Variants in RAB4A observed in about 807,000 individuals in gnomAD.
The protein encoded by RAB4A is RAB4A, member RAS oncogene family.
RAB4A carries 20 observed loss-of-function variants against 34.5 expected under a neutral mutation model. The ratio of observed to expected loss-of-function variants is 0.58; its 90% CI spans 0.41 to 0.84. The LOEUF is 0.84. Ranked by LOEUF, RAB4A falls within the 40% of genes least tolerant of loss-of-function variation. The pLI, the probability that RAB4A is intolerant of heterozygous loss-of-function variation, is 0.00. For synonymous variants in RAB4A, 102 were observed against 100.0 expected, an observed-to-expected ratio of 1.02 and a Z score of -0.12; for missense variants, 228 against 274.5, an observed-to-expected ratio of 0.83 and a Z score of 1.20.
At position 229,286,493 on chromosome 1, in the gene RAB4A, G is replaced by T; in HGVS notation, c.39G>T (p.Leu13Phe). Residue 13 changes from leucine (L) to phenylalanine (F), a missense_variant, in exon 2 of 8, where the codon TTG (leucine) becomes TTT (phenylalanine). Transcript: ENST00000366690. ...TCTCTTTTTATCTTTCAGATTTTTT[G>T]TTTAAGTTCTTGGTTATTGGAAATG... ...QTAMSETYDF[L>F]FKFLVIGNAG... 1.3e-6 allele frequency: 2 copies of T among 1,562,826 alleles called. No homozygotes were observed. Among genetic ancestry groups the T allele is most frequent in the Admixed American group, 1.9e-5 (1 of 52,312 alleles).
rs1054322 is a variant in RAB4A at position 229,305,453 on chromosome 1, A to G, written c.*1660A>G. On this transcript the variant is annotated 3_prime_UTR_variant, in exon 8 of 8. Coordinates refer to ENST00000366690, the MANE Select transcript of RAB4A (RefSeq NM_004578.4). ...CGATCCTGTTAATTAAACCACAGAC[A>G]CCATATATCCTTCTGCATCCTTTGG... 3.2e-6 allele frequency: 2 copies of G among 627,014 alleles called. No homozygotes were observed. Among genetic ancestry groups the G allele is most frequent in the African/African-American group, 3.8e-5 (2 of 52,206 alleles). 38.8% of individuals were successfully genotyped at this position (627,014 alleles called of 1,614,324 possible). A position where few individuals can be genotyped will look rare whatever the true frequency, so the allele number is the denominator to read the frequency against.
At chr1:229,298,886 C>T (rs1657309458) in intron 5 of RAB4A, 91 bp from the exon 6 acceptor site, 1 of 890,942 alleles carries the variant, frequency 1.1e-6, no homozygotes, top group Non-Finnish European at 1.8e-6. Context: ...ATTTCGTCTG[C>T]TTTTCTAAGA....
intron 1 of RAB4A, among the ~76,000 whole-genome samples, chr1:229,282,731 T>C (rs1010447970): frequency 2.0e-5 from 3 of 152,232 alleles, no homozygotes; most frequent in African/African-American, 7.2e-5. Flanking sequence ...TCCACTGAAC[T>C]TTTATTTTGG....
chr1:229,288,848 C>G lies in RAB4A; in HGVS notation c.227+5C>G. On this transcript the variant is annotated splice_donor_5th_base_variant and intron_variant, in intron 3 of 7. Coordinates refer to ENST00000366690, the MANE Select transcript of RAB4A (RefSeq NM_004578.4). ...AGCAGGACAAGAACGATTCAGGTAG[C>G]TTTTCTCTAACTTAATAAAAATATT... 1 of 1,431,030 alleles carries G rather than the reference C, an allele frequency of 7.0e-7. No homozygotes were observed. Among genetic ancestry groups the G allele is most frequent in the Non-Finnish European group, 9.7e-7 (1 of 1,025,858 alleles). 88.6% of individuals were successfully genotyped at this position (1,431,030 alleles called of 1,614,324 possible).
rs1276818347 is a variant in RAB4A, at chr1:229,271,176, T to G, written c.-164T>G. Reference sequence around the variant, plus strand: ...GCCCTGCGCCTGCGCGGAGCTGGAGTCCGGCTGGGCCGCAGCCGCTGGGAG... The same window carrying G: ...GCCCTGCGCCTGCGCGGAGCTGGAGGCCGGCTGGGCCGCAGCCGCTGGGAG... On this transcript the variant is annotated 5_prime_UTR_variant, in exon 1 of 8. Coordinates refer to ENST00000366690, the MANE Select transcript of RAB4A (RefSeq NM_004578.4). The G allele has an allele frequency of 1.7e-6, 1 of 593,556 alleles. No homozygotes were observed. The highest frequency in any genetic ancestry group is 2.0e-5 in the African/African-American group (1 of 50,712). 36.8% of individuals were successfully genotyped at this position (593,556 alleles called of 1,614,324 possible). A position where few individuals can be genotyped will look rare whatever the true frequency, so the allele number is the denominator to read the frequency against.
intron 1 of RAB4A, among the ~76,000 whole-genome samples, chr1:229,282,526 C>T (rs1656803677): frequency 6.6e-6 from 1 of 152,160 alleles, no homozygotes; most frequent in Non-Finnish European, 1.5e-5. Flanking sequence ...CTTTTTTCAA[C>T]CACTTTCTCT....
chr1:229,301,133 G>A (rs1465230592), intron 6 of RAB4A, among the ~76,000 whole-genome samples: 1 of 152,112 alleles, frequency 6.6e-6, no homozygotes, highest in Non-Finnish European at 1.5e-5. Flanking sequence ...GTAGAAGATG[G>A]CTGGCCGTCC....
intron 1 of RAB4A, among the ~76,000 whole-genome samples, chr1:229,284,443 A>T (rs774085999): frequency 2.2e-4 from 33 of 152,154 alleles, no homozygotes; most frequent in Admixed American, 1.6e-3. Context: ...AATAGGAAAA[A>T]GTTCTTCTAC....
chr1:229,305,466 C>A lies in RAB4A; in HGVS notation c.*1673C>A. On this transcript the variant is annotated 3_prime_UTR_variant, in exon 8 of 8. Coordinates refer to ENST00000366690, the MANE Select transcript of RAB4A (RefSeq NM_004578.4). ...TAAACCACAGACACCATATATCCTT[C>A]TGCATCCTTTGGCCAATAAAAGTTG... 1 of 554,222 alleles carries A rather than the reference C, an allele frequency of 1.8e-6. No individual in the cohort carries two copies. Among genetic ancestry groups the A allele is most frequent in the Non-Finnish European group, 3.0e-6 (1 of 337,518 alleles). 34.3% of individuals were successfully genotyped at this position (554,222 alleles called of 1,614,324 possible). A position where few individuals can be genotyped will look rare whatever the true frequency, so the allele number is the denominator to read the frequency against.
At position 229,297,525 on chromosome 1, in the gene RAB4A, C is replaced by T. The variant is rs767047430; in HGVS notation, c.334C>T (p.Arg112Ter). The T allele has an allele frequency of 5.6e-6, 9 of 1,611,416 alleles. No homozygotes were observed. In the Admixed American group the frequency reaches 8.5e-5, roughly 15 times the overall value. ...NALTNWLTDARMLASQNIVII... is the reference protein window; with the variant it reads ...NALTNWLTDA ...GCTTACTAATTGGTTAACAGATGCC[C>T]GAATGCTAGCGAGCCAGAACATTGT... Residue 112 changes from arginine to a stop codon, truncating the protein, a stop_gained, in exon 5 of 8, where the codon CGA becomes TGA. Coordinates refer to ENST00000366690, the MANE Select transcript of RAB4A (RefSeq NM_004578.4). LOFTEE classifies it high-confidence loss of function.
rs548807145 is a variant in RAB4A, at chr1:229,294,668, C to T, written c.228-1180C>T. On this transcript the variant is annotated intron_variant, in intron 3 of 7. Coordinates refer to ENST00000366690, the MANE Select transcript of RAB4A (RefSeq NM_004578.4). The stretch of plus-strand genomic sequence containing the variant: ...CAGCCTGGCTAACATGGGGAAACCC[C>T]GTCTGTACTAAAAATACAAAAATTA... Among the ~76,000 whole-genome samples the T allele has an allele frequency of 9.2e-5, 14 of 152,220 alleles. No homozygotes were observed. The East Asian group carries it at 1.4e-3, about 15-fold the overall frequency.
In RAB4A at chr1:229,305,180, G is replaced by T; in HGVS notation, c.*1387G>T. 1 of 1,604,746 alleles carries T rather than the reference G, an allele frequency of 6.2e-7. No homozygotes were observed. The highest frequency in any genetic ancestry group is 1.1e-5 in the South Asian group (1 of 88,290). On this transcript the variant is annotated 3_prime_UTR_variant, in exon 8 of 8. Transcript: ENST00000366690. ...AGTATGTATCTGTTTTAGATATTTT[G>T]AGTTTTGCTTTTTTTATGCCTTGAA...
chr1:229,272,480 T>C (rs1199557580), intron 1 of RAB4A, among the ~76,000 whole-genome samples: 1 of 152,114 alleles, frequency 6.6e-6, no homozygotes, highest in African/African-American at 2.4e-5. Context: ...ATTGAGGGAA[T>C]GCAGTATTAA....
chr1:229,271,326 G>GCGC lies in RAB4A; in HGVS notation c.-10_-8dup. The stretch of plus-strand genomic sequence containing the variant: ...GCAGCCGGTGACCCGGCGAGAGGCG[G>GCGC]CGCCGCTCCCAAGATGTCGCAGACG... On this transcript the variant is annotated 5_prime_UTR_variant, in exon 1 of 8. Coordinates refer to ENST00000366690, the MANE Select transcript of RAB4A (RefSeq NM_004578.4). 7.6e-7 allele frequency: 1 copy of GCGC among 1,316,298 alleles called. No homozygotes were observed. Among genetic ancestry groups the GCGC allele is most frequent in the Non-Finnish European group, 9.7e-7 (1 of 1,032,880 alleles). 81.5% of individuals were successfully genotyped at this position (1,316,298 alleles called of 1,614,324 possible).
chr1:229,271,508 T>G (rs1443588868), intron 1 of RAB4A, 138 bp downstream of exon 1: 4 of 632,438 alleles, frequency 6.3e-6, no homozygotes, highest in Admixed American at 6.3e-5. Context: ...CGGAGGTGTC[T>G]GGGCTTGGGA....
intron 4 of RAB4A, among the ~76,000 whole-genome samples, chr1:229,297,090 A>G (rs1234574672): frequency 6.6e-6 from 1 of 152,244 alleles, no homozygotes; most frequent in African/African-American, 2.4e-5. Context: ...AAAGTCCTGT[A>G]AAACAAAGTG....
intron 1 of RAB4A, among the ~76,000 whole-genome samples, chr1:229,284,345 G>A (rs775564295): frequency 6.6e-6 from 1 of 151,640 alleles, no homozygotes; most frequent in South Asian, 2.1e-4. Flanking sequence ...TGATCCATCC[G>A]CCTCAGTCTC....
chr1:229,288,674 A>T, intron 2 of RAB4A, 55 bp from the exon 3 acceptor site: 1 of 916,902 alleles, frequency 1.1e-6, no homozygotes, highest in Non-Finnish European at 1.7e-6. Flanking sequence ...GTTTAAATCT[A>T]TAAGCCTGTT....
rs1339501657 is a variant in RAB4A at position 229,285,410 on chromosome 1, CAGT to C, written c.32-1075_32-1073del. On this transcript the variant is annotated intron_variant, in intron 1 of 7. Transcript: ENST00000366690. The stretch of plus-strand genomic sequence containing the variant: ...GAGAGGTTGAATAGGCTTCATCTCT[CAGT>C]GGTGATTAACATAGTTCTTAAGAAA... Among the ~76,000 whole-genome samples the C allele has an allele frequency of 1.2e-4, 18 of 152,230 alleles. No individual in the cohort carries two copies. In the East Asian group the frequency reaches 3.5e-3, roughly 29 times the overall value.
Sources: allele counts gnomAD v4.1 joint callset (sites outside exome capture counted in the v4.1 genomes callset), GRCh38; gene constraint gnomAD v4.1.1; transcripts MANE v1.5; gene names NCBI Gene and HGNC (gene_info 2026-07-23, HGNC 2026-07-21).